Variants in MMEL1 observed in about 807,000 individuals in gnomAD.
The protein encoded by MMEL1 is membrane metalloendopeptidase like 1, also known as membrane metallo-endopeptidase-like 1.
In MMEL1, 98 loss-of-function variants were observed where a neutral mutation model predicts 117.1. That is an observed-to-expected ratio of 0.84 (90% CI 0.71 to 0.99). The LOEUF is 0.99. MMEL1 is among the 50% of genes least tolerant of loss of function. The probability of loss-of-function intolerance (pLI) is 0.00; values close to 1 mark genes in which losing one functional copy is unlikely to be tolerated. For synonymous variants in MMEL1, 390 were observed against 415.1 expected, an observed-to-expected ratio of 0.94 and a Z score of 0.74; for missense variants, 1,014 against 1,049.1, an observed-to-expected ratio of 0.97 and a Z score of 0.46.
At chr1:2,604,343 TTC>T in intron 9 of MMEL1, 62 bp from the exon 10 acceptor site, 3 of 1,592,700 alleles carry the variant, frequency 1.9e-6, no homozygotes, top group South Asian at 2.3e-5. Context: ...CCAGGGAGTT[TTC>T]TGTGGGGGTG....
At chr1:2,594,954 A>G in intron 16 of MMEL1, 61 bp from the exon 17 acceptor site, 1 of 1,438,280 alleles carries the variant, frequency 7.0e-7, no homozygotes. Flanking sequence ...GAGCAAGGGG[A>G]GAGGTCCTGG....
At position 2,604,869 on chromosome 1, in the gene MMEL1, C is replaced by T. The variant is rs551891221; in HGVS notation, c.817-588G>A. ...CATGGCGCTTTTGAGACACTCCAGT[C>T]CCTCCTGCTCTGGCGTGGTTCTCTC... is the stretch of plus-strand genomic sequence containing the variant. On this transcript the variant is annotated intron_variant, in intron 9 of 23. Transcript: ENST00000378412. 5.3e-5 allele frequency among the ~76,000 whole-genome samples: 8 copies of T among 152,284 alleles called. No individual in the cohort carries two copies. In the East Asian group the frequency reaches 1.5e-3, roughly 29 times the overall value.
Position 2,598,248 on chromosome 1 carries a change from G to A in MMEL1, c.1231C>T (p.Leu411=). 1 of 1,614,130 alleles carries A rather than the reference G, an allele frequency of 6.2e-7. No homozygotes were observed. The highest frequency in any genetic ancestry group is 8.5e-7 in the Non-Finnish European group (1 of 1,180,016). The stretch of plus-strand genomic sequence containing the variant: ...CGTGTGTCCTTGAATCTCTGGCTTA[G>A]GCTACCAATGCGGTCCAGCACCAGG... The part of the protein sequence containing the change: ...WRLVLDRIGS[L]SQRFKDTRVN... Residue 411 remains leucine (L), a synonymous_variant, in exon 13 of 24, where the codon CTA becomes TTA. Transcript: ENST00000378412.
chr1:2,605,650 G>C, intron 8 of MMEL1, 27 bp from the exon 9 acceptor site: 2 of 1,601,534 alleles, frequency 1.2e-6, no homozygotes, highest in Non-Finnish European at 1.7e-6. Flanking sequence ...TGTGACCCTG[G>C]GCAAGGGGCC....
intron 13 of MMEL1, among the ~76,000 whole-genome samples, chr1:2,596,942 G>T (rs1043205959): frequency 6.6e-6 from 1 of 152,060 alleles, no homozygotes; most frequent in Non-Finnish European, 1.5e-5. Flanking sequence ...GAGTTGGGGG[G>T]GTTCCTCCCC....
intron 1 of MMEL1, 71 bp downstream of exon 1, chr1:2,632,795 C>G (rs1380346040): frequency 1.1e-6 from 1 of 933,020 alleles, no homozygotes; most frequent in Non-Finnish European, 1.3e-6. Context: ...TTTCAAGGCC[C>G]AGGAGAGGGC....
At chr1:2,596,161 C>G in intron 14 of MMEL1, 54 bp from the exon 15 acceptor site, 1 of 1,518,924 alleles carries the variant, frequency 6.6e-7, no homozygotes, top group Non-Finnish European at 9.1e-7. Flanking sequence ...GGCGAATGAC[C>G]AGCCTCAAGG....
Position 2,595,584 on chromosome 1 carries a change from GACCT to G in MMEL1, c.1501-229_1501-226del, listed in dbSNP as rs1284145932. On this transcript the variant is annotated intron_variant, in intron 15 of 23. Coordinates refer to ENST00000378412, the MANE Select transcript of MMEL1 (RefSeq NM_033467.4). The surrounding 1 kb of genome is among the most constrained non-coding windows in gnomAD (Gnocchi z 4.8). ...AGAATATGGAAGGCTCCGCCCACCT[GACCT>G]AGAGCCCAACAGCCCGCCAGGGGTC... Among the ~76,000 whole-genome samples the G allele has an allele frequency of 3.3e-5, 5 of 152,152 alleles. No individual in the cohort carries two copies. Among genetic ancestry groups the G allele is most frequent in the African/African-American group, 1.2e-4 (5 of 41,428 alleles).
intron 19 of MMEL1, among the ~76,000 whole-genome samples, chr1:2,593,433 C>T (rs1025864689): frequency 1.3e-5 from 2 of 152,176 alleles, no homozygotes; most frequent in Admixed American, 6.5e-5. Context: ...ATGGCCATGG[C>T]GGGGGTAGCA....
At chr1:2,617,333 A>T (rs1045124710) in intron 2 of MMEL1, among the ~76,000 whole-genome samples, 1 of 150,640 alleles carries the variant, frequency 6.6e-6, no homozygotes, top group Non-Finnish European at 1.5e-5. Flanking sequence ...AGGCTGAGGC[A>T]GGAGAATGGC....
chr1:2,596,327 G>T (rs1340453072), intron 14 of MMEL1, among the ~76,000 whole-genome samples: 1 of 152,126 alleles, frequency 6.6e-6, no homozygotes, highest in African/African-American at 2.4e-5. Flanking sequence ...TGGGCCAGGG[G>T]CAACTTGTAC....
chr1:2,630,472 A>T (rs894016724), intron 1 of MMEL1, among the ~76,000 whole-genome samples: 4 of 151,484 alleles, frequency 2.6e-5, no homozygotes, highest in South Asian at 2.1e-4. Context: ...TGGTGTGTGC[A>T]TGTGTGTGTG....
In MMEL1 at chr1:2,590,970, A is replaced by C; in HGVS notation, c.*20T>G. 5.3e-6 allele frequency: 8 copies of C among 1,522,348 alleles called. No individual in the cohort carries two copies. The highest frequency in any genetic ancestry group is 7.1e-6 in the Non-Finnish European group (8 of 1,132,690). The allele number at this position is 1,522,348 out of a possible 1,614,324, so 94.3% of individuals were successfully genotyped here. On this transcript the variant is annotated 3_prime_UTR_variant, in exon 24 of 24. Transcript: ENST00000378412. ...CGAGCAGCGGGTGGGCGTGGGCCGC[A>C]CAGCGCGGCAGGGCCTTGGCTACCA...
In MMEL1 at chr1:2,625,366, G is replaced by A. The variant is rs938462644; in HGVS notation, c.154+3965C>T. On this transcript the variant is annotated intron_variant, in intron 2 of 23. Coordinates refer to ENST00000378412, the MANE Select transcript of MMEL1 (RefSeq NM_033467.4). Reference sequence around the variant, plus strand: ...CATTTATCAAGTGATCCAAAAGGCTGCCAGTGTCGAGCGGGGTCCAGAACA... The same window carrying A: ...CATTTATCAAGTGATCCAAAAGGCTACCAGTGTCGAGCGGGGTCCAGAACA... Among the ~76,000 whole-genome samples, 4 of 152,212 alleles carry A rather than the reference G, an allele frequency of 2.6e-5. No individual in the cohort carries two copies. The East Asian group carries it at 7.7e-4, about 29-fold the overall frequency.
chr1:2,618,561 A>C (rs1226401922), intron 2 of MMEL1, among the ~76,000 whole-genome samples: 1 of 152,224 alleles, frequency 6.6e-6, no homozygotes, highest in African/African-American at 2.4e-5. Flanking sequence ...TGGAGAAAGA[A>C]ACACCCTCCC....
intron 2 of MMEL1, among the ~76,000 whole-genome samples, chr1:2,621,572 A>AT (rs76715186): frequency 0.38 from 55,002 of 145,780 alleles, 10,534 homozygotes; most frequent in East Asian, 0.51. Flanking sequence ...ACCAATGCAC[A>AT]TTTTTTTTTT....
chr1:2,616,800 G>C (rs1361371512), intron 2 of MMEL1, among the ~76,000 whole-genome samples: 2 of 152,200 alleles, frequency 1.3e-5, no homozygotes, highest in East Asian at 3.9e-4. Context: ...CAACTGAAGA[G>C]GCGAGTTCAT....
chr1:2,594,761 G>A (rs143182440), intron 17 of MMEL1, 29 bp downstream of exon 17: 49 of 1,273,852 alleles, frequency 3.8e-5, no homozygotes, highest in Admixed American at 1.2e-4. Flanking sequence ...GGCCCCCCCC[G>A]CCCATGCCGC....
At position 2,593,800 on chromosome 1, in the gene MMEL1, G is replaced by A. The variant is rs923485468; in HGVS notation, c.1867+14C>T. The stretch of plus-strand genomic sequence containing the variant: ...GAGGGGAGGGCGTGTGTGATTGGAG[G>A]GGCGGCCGCTCACCATTGTCGTCAA... On this transcript the variant is annotated intron_variant, in intron 19 of 23. Coordinates refer to ENST00000378412, the MANE Select transcript of MMEL1 (RefSeq NM_033467.4). 3 of 1,589,656 alleles carry A rather than the reference G, an allele frequency of 1.9e-6. No homozygotes were observed. The African/African-American group carries it at 4.0e-5, about 21-fold the overall frequency.
Sources: allele counts gnomAD v4.1 joint callset (sites outside exome capture counted in the v4.1 genomes callset), GRCh38; gene constraint gnomAD v4.1.1; non-coding constraint Gnocchi (gnomAD v3.1); transcripts MANE v1.5; gene names NCBI Gene and HGNC (gene_info 2026-07-23, HGNC 2026-07-21).